The following DEPDC5 variants were observed in gnomAD, a reference collection of about 807,000 sequenced individuals.
DEPDC5 encodes DEP domain containing 5, GATOR1 subcomplex subunit, also known as GATOR1 complex protein DEPDC5.
DEPDC5 carries 73 observed loss-of-function variants against 217.3 expected under a neutral mutation model. That is an observed-to-expected ratio of 0.34 (90% CI 0.28 to 0.41). The LOEUF is 0.41. DEPDC5 is among the 10% of genes least tolerant of loss of function. The probability of loss-of-function intolerance (pLI) is 1.00; values close to 1 mark genes in which losing one functional copy is unlikely to be tolerated. For missense variants in DEPDC5, 1,675 were observed against 2,070.1 expected, an observed-to-expected ratio of 0.81 and a Z score of 3.70; for synonymous variants, 733 against 756.7, an observed-to-expected ratio of 0.97 and a Z score of 0.51.
At chr22:31,831,583 C>T (rs1204858446) in intron 24 of DEPDC5, among the ~76,000 whole-genome samples, 2 of 152,070 alleles carry the variant, frequency 1.3e-5, no homozygotes, top group Non-Finnish European at 2.9e-5. Flanking sequence ...GCCTCAACCT[C>T]CCGAGTAGCT....
chr22:31,896,515 C>T (rs893525067), intron 39 of DEPDC5, among the ~76,000 whole-genome samples: 4 of 148,146 alleles, frequency 2.7e-5, no homozygotes, highest in African/African-American at 1.0e-4. Flanking sequence ...AGAACCACAT[C>T]GATCAACCTT....
intron 19 of DEPDC5, 137 bp downstream of exon 19, chr22:31,809,784 A>C (rs1197658077): frequency 1.3e-6 from 1 of 791,262 alleles, no homozygotes; most frequent in Non-Finnish European, 2.0e-6. Context: ...GTTCAAGACC[A>C]GCCTTGCCAA....
chr22:31,857,381 C>G, intron 31 of DEPDC5, 64 bp from the exon 32 acceptor site: 2 of 1,407,630 alleles, frequency 1.4e-6, no homozygotes, highest in Non-Finnish European at 1.9e-6. Flanking sequence ...GCATCTTGGC[C>G]GACATGGATC....
chr22:31,904,271 G>A (rs183594785), intron 41 of DEPDC5, among the ~76,000 whole-genome samples: 86 of 152,296 alleles, frequency 5.6e-4, no homozygotes, highest in African/African-American at 1.9e-3. Flanking sequence ...CCCTTACTGC[G>A]TTTCTGTCTT....
chr22:31,779,966 G>T lies in DEPDC5; in HGVS notation c.483+1798G>T, dbSNP rs549439246. ...CAACACTTCCATTTAAATCATGATG[G>T]CCAGATTTTAGTCACTTGTAGCTGC... On this transcript the variant is annotated intron_variant, in intron 8 of 42. Transcript: ENST00000651528. Among the ~76,000 whole-genome samples, 6 of 152,278 alleles carry T rather than the reference G, an allele frequency of 3.9e-5. No individual in the cohort carries two copies. In the East Asian group the frequency reaches 1.2e-3, roughly 29 times the overall value.
At chr22:31,765,301 CT>C (rs539764594) in intron 5 of DEPDC5, among the ~76,000 whole-genome samples, 218 of 151,864 alleles carry the variant, frequency 1.4e-3, no homozygotes, top group Non-Finnish European at 1.6e-3. Context: ...TTTCCTTTTT[CT>C]TTTTTTTGAA....
chr22:31,873,005 T>C (rs958170660), intron 34 of DEPDC5, among the ~76,000 whole-genome samples: 5 of 152,090 alleles, frequency 3.3e-5, no homozygotes, highest in Admixed American at 2.0e-4. Context: ...TCCACGTGCC[T>C]CAGCTTCCCA....
In DEPDC5 at chr22:31,877,771, A is replaced by C. The variant is rs990867187; in HGVS notation, c.3805+1506A>C. On this transcript the variant is annotated intron_variant, in intron 37 of 42. Transcript: ENST00000651528. ...TCTCAAAAAAAAAAAAAAAAAAAAA[A>C]AAACAGCAAAAACAGAAAACCAGAC... 3.0e-3 allele frequency among the ~76,000 whole-genome samples: 445 copies of C among 148,336 alleles called. 2 individuals carry two copies. The highest frequency in any genetic ancestry group is 0.011 in the African/African-American group (433 of 40,216).
intron 8 of DEPDC5, among the ~76,000 whole-genome samples, chr22:31,780,763 C>T (rs753584332): frequency 2.6e-4 from 39 of 152,194 alleles, no homozygotes; most frequent in Admixed American, 5.9e-4. Context: ...GCAGTAGGTG[C>T]GCTTGCTTGT....
intron 38 of DEPDC5, 192 bp downstream of exon 38, chr22:31,879,944 C>T: frequency 1.7e-6 from 1 of 601,114 alleles, no homozygotes; most frequent in African/African-American, 1.8e-5. Context: ...TATGACTGTC[C>T]CAACCAACAG....
intron 37 of DEPDC5, among the ~76,000 whole-genome samples, chr22:31,878,512 T>C (rs890817310): frequency 2.0e-5 from 3 of 149,426 alleles, no homozygotes; most frequent in African/African-American, 5.0e-5. Context: ...AAGATCAGCC[T>C]GGGCAAGAAA....
intron 41 of DEPDC5, among the ~76,000 whole-genome samples, chr22:31,904,670 G>C (rs2093725230): frequency 6.6e-6 from 1 of 152,196 alleles, no homozygotes; most frequent in Non-Finnish European, 1.5e-5. Flanking sequence ...CTTGAACCCG[G>C]GAGGTGGAGG....
At chr22:31,890,275 TTCAAA>T (rs2093411763) in intron 38 of DEPDC5, 1 of 152,204 alleles carries the variant, frequency 6.6e-6, no homozygotes, top group Non-Finnish European at 1.5e-5. Flanking sequence ...ATCTTCCAAC[TTCAAA>T]TCAATAAGTT....
chr22:31,867,034 G>A (rs536202518), intron 33 of DEPDC5, among the ~76,000 whole-genome samples: 4 of 152,142 alleles, frequency 2.6e-5, no homozygotes, highest in South Asian at 2.1e-4. Context: ...TAAAGCGGAG[G>A]GGGGAGTATC....
chr22:31,883,845 G>A (rs894400143), intron 38 of DEPDC5, among the ~76,000 whole-genome samples: 1 of 152,138 alleles, frequency 6.6e-6, no homozygotes, highest in African/African-American at 2.4e-5. Context: ...CCTGTGATGA[G>A]GGACACTCAG....
At chr22:31,862,461 A>T (rs1052711123) in intron 33 of DEPDC5, among the ~76,000 whole-genome samples, 1 of 152,072 alleles carries the variant, frequency 6.6e-6, no homozygotes, top group African/African-American at 2.4e-5. Flanking sequence ...GCTACTCAGG[A>T]GGCTGAGGCA....
chr22:31,883,601 G>T (rs556684117), intron 38 of DEPDC5, among the ~76,000 whole-genome samples: 1 of 152,300 alleles, frequency 6.6e-6, no homozygotes, highest in Admixed American at 6.5e-5. Context: ...CTCCTGATGG[G>T]TACTACAATT....
chr22:31,787,547 C>G (rs981928092), intron 10 of DEPDC5, among the ~76,000 whole-genome samples: 20 of 152,106 alleles, frequency 1.3e-4, no homozygotes, highest in African/African-American at 4.6e-4. Context: ...TGGCTCACAC[C>G]TTTAATCCCA....
At chr22:31,784,706 A>C in intron 9 of DEPDC5, 108 bp from the exon 10 acceptor site, 2 of 975,438 alleles carry the variant, frequency 2.1e-6, no homozygotes, top group Non-Finnish European at 3.1e-6. Context: ...TTACTTAGGG[A>C]ATTGCTTAGA....
Sources: allele counts gnomAD v4.1 joint callset (sites outside exome capture counted in the v4.1 genomes callset), GRCh38; gene constraint gnomAD v4.1.1; transcripts MANE v1.5; gene names NCBI Gene and HGNC (gene_info 2026-07-23, HGNC 2026-07-21).